The following CSMD1 variants were observed in gnomAD, a reference collection of about 807,000 sequenced individuals.
CSMD1 encodes CUB and sushi domain-containing protein 1.
In CSMD1, 213 loss-of-function variants were observed where a neutral mutation model predicts 417.5. The observed-to-expected ratio is 0.51, with a 90% CI of 0.46 to 0.57. CSMD1 has a LOEUF of 0.57. Ranked by LOEUF, CSMD1 falls within the 20% of genes least tolerant of loss-of-function variation. CSMD1 has a pLI of 0.00. For synonymous variants in CSMD1, 2,862 were observed against 1,736.8 expected, an observed-to-expected ratio of 1.65 and a Z score of -16.11; for missense variants, 6,923 against 4,529.7, an observed-to-expected ratio of 1.53 and a Z score of -15.17.
At position 4,775,583 on chromosome 8, in the gene CSMD1, AG is replaced by A. The variant is rs569288538; in HGVS notation, c.86-138026del. The stretch of plus-strand genomic sequence containing the variant: ...TTATTTATGAAAGACAGAATAAAAA[AG>A]ATATTTTAAGCAACTAATCAATGTT... On this transcript the variant is annotated intron_variant, in intron 1 of 69. Coordinates refer to ENST00000635120, the MANE Select transcript of CSMD1 (RefSeq NM_033225.6). 7.9e-5 allele frequency among the ~76,000 whole-genome samples: 12 copies of A among 152,338 alleles called. No individual in the cohort carries two copies. In the East Asian group the frequency reaches 2.3e-3, roughly 29 times the overall value.
intron 10 of CSMD1, among the ~76,000 whole-genome samples, chr8:3,556,273 C>G (rs1264980670): frequency 6.6e-6 from 1 of 151,002 alleles, no homozygotes; most frequent in South Asian, 2.1e-4. Context: ...CCACCCTCAC[C>G]TCCCTACAAC....
chr8:4,585,532 A>T (rs1799655855), intron 2 of CSMD1, among the ~76,000 whole-genome samples: 1 of 152,218 alleles, frequency 6.6e-6, no homozygotes, highest in East Asian at 1.9e-4. Context: ...CAGATAATTT[A>T]CTGTAACTGA....
At chr8:3,947,200 C>T (rs113638222) in intron 5 of CSMD1, among the ~76,000 whole-genome samples, 1 of 152,184 alleles carries the variant, frequency 6.6e-6, no homozygotes, top group African/African-American at 2.4e-5. Flanking sequence ...GGAGGTTTCT[C>T]TCAGTTCCTA....
At chr8:3,634,762 G>GGTAAGGCA (rs1563218672) in intron 7 of CSMD1, among the ~76,000 whole-genome samples, 164 of 152,068 alleles carry the variant, frequency 1.1e-3, no homozygotes, top group African/African-American at 3.7e-3. Flanking sequence ...CAGTTTGATT[G>GGTAAGGCA]CTTACCCATT....
chr8:4,750,120 C>T (rs1811212932), intron 1 of CSMD1, among the ~76,000 whole-genome samples: 1 of 152,198 alleles, frequency 6.6e-6, no homozygotes, highest in Non-Finnish European at 1.5e-5. Context: ...ATTCTCCTGC[C>T]TCAGCCTCCC....
chr8:3,787,051 T>C (rs1344204789), intron 5 of CSMD1, among the ~76,000 whole-genome samples: 2 of 152,126 alleles, frequency 1.3e-5, no homozygotes, highest in Admixed American at 6.5e-5. Flanking sequence ...TGAAGTGTCA[T>C]ATTTATTCTG....
chr8:3,384,351 CTA>C (rs1810834949), intron 18 of CSMD1, among the ~76,000 whole-genome samples: 2 of 151,882 alleles, frequency 1.3e-5, no homozygotes, highest in African/African-American at 4.8e-5. Flanking sequence ...TTGAGCAACA[CTA>C]TGTCTTAATA....
intron 5 of CSMD1, among the ~76,000 whole-genome samples, chr8:3,901,809 G>A (rs1807772233): frequency 6.6e-6 from 1 of 152,172 alleles, no homozygotes; most frequent in African/African-American, 2.4e-5. Context: ...CTCTTGGGGT[G>A]TTCACAAGTA....
intron 7 of CSMD1, among the ~76,000 whole-genome samples, chr8:3,671,168 GAT>G (rs909342377): frequency 5.0e-4 from 73 of 147,456 alleles, no homozygotes; most frequent in African/African-American, 1.7e-3. Context: ...ATGTATATGA[GAT>G]ATATATGTAT....
chr8:4,211,588 C>T (rs528114036), intron 3 of CSMD1, among the ~76,000 whole-genome samples: 9 of 152,250 alleles, frequency 5.9e-5, no homozygotes, highest in African/African-American at 1.4e-4. Flanking sequence ...TTTGCTGAAA[C>T]GGCAAAAGTC....
At chr8:3,936,781 C>T (rs558125967) in intron 5 of CSMD1, among the ~76,000 whole-genome samples, 1 of 152,136 alleles carries the variant, frequency 6.6e-6, no homozygotes, top group Admixed American at 6.5e-5. Flanking sequence ...AAACTTTTGA[C>T]TTTCAATTAT....
At chr8:4,660,856 G>A (rs1042937940) in intron 1 of CSMD1, among the ~76,000 whole-genome samples, 2 of 152,064 alleles carry the variant, frequency 1.3e-5, no homozygotes, top group African/African-American at 2.4e-5. Context: ...CAAATACCAT[G>A]TTAAAAGGTA....
intron 3 of CSMD1, among the ~76,000 whole-genome samples, chr8:4,209,328 C>G (rs561329346): frequency 2.0e-5 from 3 of 152,206 alleles, no homozygotes; most frequent in Non-Finnish European, 4.4e-5. Context: ...CATCTTCCCT[C>G]AAACTCACAG....
chr8:4,238,007 G>A (rs990969310), intron 3 of CSMD1, among the ~76,000 whole-genome samples: 4 of 152,122 alleles, frequency 2.6e-5, no homozygotes, highest in Admixed American at 6.5e-5. Context: ...CCTACTGGGC[G>A]GGACGAACCA....
At chr8:4,005,076 G>C (rs1816001554) in intron 4 of CSMD1, among the ~76,000 whole-genome samples, 1 of 152,170 alleles carries the variant, frequency 6.6e-6, no homozygotes, top group Admixed American at 6.5e-5. Context: ...TGATGTGTGG[G>C]AGCCAAGCTA....
chr8:4,380,879 A>G (rs1330666836), intron 3 of CSMD1, among the ~76,000 whole-genome samples: 2 of 152,132 alleles, frequency 1.3e-5, no homozygotes, highest in African/African-American at 2.4e-5. Flanking sequence ...TATACTTTTT[A>G]TATTTTAGGT....
intron 2 of CSMD1, among the ~76,000 whole-genome samples, chr8:4,580,224 T>A (rs989106512): frequency 6.6e-6 from 1 of 152,238 alleles, no homozygotes; most frequent in Admixed American, 6.5e-5. Flanking sequence ...GCCCTTCCCC[T>A]TGTGGGTACT....
chr8:4,035,150 T>A (rs59568879), intron 3 of CSMD1, among the ~76,000 whole-genome samples: 7,803 of 151,292 alleles, frequency 0.052, 585 homozygotes, highest in African/African-American at 0.16. Context: ...ACAACATCGG[T>A]CCCAGGAGAT....
chr8:4,614,785 G>A (rs747997569), intron 2 of CSMD1, among the ~76,000 whole-genome samples: 40 of 152,070 alleles, frequency 2.6e-4, no homozygotes, highest in Non-Finnish European at 4.7e-4. Context: ...CAATATGTCT[G>A]TAGAATTTAA....
Sources: allele counts gnomAD v4.1 joint callset (sites outside exome capture counted in the v4.1 genomes callset), GRCh38; gene constraint gnomAD v4.1.1; transcripts MANE v1.5; gene names NCBI Gene and HGNC (gene_info 2026-07-23, HGNC 2026-07-21).